The following LGALS13 variants were observed in gnomAD, a reference collection of about 807,000 sequenced individuals.
LGALS13 encodes galectin 13.
LGALS13 carries 11 observed loss-of-function variants against 13.2 expected under a neutral mutation model. That is an observed-to-expected ratio of 0.83 (90% CI 0.52 to 1.38). The LOEUF (loss-of-function observed/expected upper bound fraction) is 1.38. LGALS13 is among the 40% of genes most tolerant of loss of function. LGALS13 has a pLI of 0.00. For synonymous variants in LGALS13, 71 were observed against 63.7 expected (o/e 1.11, Z -0.54); for missense variants, 183 against 174.3 (o/e 1.05, Z -0.28).
In LGALS13 at chr19:39,603,188, G is replaced by T. The variant is rs375155046; in HGVS notation, c.15+605G>T. Among the ~76,000 whole-genome samples, 11 of 152,228 alleles carry T rather than the reference G, an allele frequency of 7.2e-5. No individual in the cohort carries two copies. The South Asian group carries it at 1.7e-3, about 23-fold the overall frequency. On this transcript the variant is annotated intron_variant, in intron 1 of 3. Coordinates refer to ENST00000221797, the MANE Select transcript of LGALS13 (RefSeq NM_013268.3). ...ATCTTGGGGATTGTGAGTTACCAAGGACTTATTTCAGATCACTTGTGAGAG... is the reference window on the plus strand; with the variant it reads ...ATCTTGGGGATTGTGAGTTACCAAGTACTTATTTCAGATCACTTGTGAGAG...
At chr19:39,605,155 C>A in intron 2 of LGALS13, 23 bp from the exon 3 acceptor site, 3 of 1,601,568 alleles carry the variant, frequency 1.9e-6, no homozygotes, top group Non-Finnish European at 2.6e-6. Flanking sequence ...ACCTGCCCAA[C>A]ATTCTGCGTG....
chr19:39,607,436 T>C lies in LGALS13; in HGVS notation c.*97T>C. The C allele has an allele frequency of 1.2e-6, 1 of 838,456 alleles. No individual in the cohort carries two copies. Among genetic ancestry groups the C allele is most frequent in the Non-Finnish European group, 2.1e-6 (1 of 483,570 alleles). 51.9% of individuals were successfully genotyped at this position (838,456 alleles called of 1,614,324 possible). A position where few individuals can be genotyped will look rare whatever the true frequency, so the allele number is the denominator to read the frequency against. On this transcript the variant is annotated 3_prime_UTR_variant, in exon 4 of 4. Transcript: ENST00000221797. ...TAACAGAATAATCCCTGCTCACATTTTCCCCTACACTTTGTCATTAAAACA... is the reference window on the plus strand; with the variant it reads ...TAACAGAATAATCCCTGCTCACATTCTCCCCTACACTTTGTCATTAAAACA...
chr19:39,605,188 C>T lies in LGALS13; in HGVS notation c.103C>T (p.Gln35Ter). The change falls in exon 3 of 4, where the codon CAG (glutamine) becomes TAG (stop). Residue 35 changes from glutamine to a stop codon, truncating the protein, a stop_gained. Transcript: ENST00000221797. LOFTEE classifies it high-confidence loss of function. ...TPIHSFINDP[Q>*]LQVDFYTDMD... ...GTGCTTCACCCTCAGCAATGACCCA[C>T]AGCTGCAGGTGGATTTCTACACTGA... is the stretch of plus-strand genomic sequence containing the variant. 1 of 1,614,080 alleles carries T rather than the reference C, an allele frequency of 6.2e-7. No homozygotes were observed. Among genetic ancestry groups the T allele is most frequent in the Non-Finnish European group, 8.5e-7 (1 of 1,179,902 alleles).
At chr19:39,604,784 G>A in intron 2 of LGALS13, 106 bp downstream of exon 2, 15 of 1,369,600 alleles carry the variant, frequency 1.1e-5, no homozygotes, top group Non-Finnish European at 1.6e-5. Context: ...TGGCAGAATG[G>A]AGGCCCCATG....
At chr19:39,602,715 T>C (rs1287276955) in intron 1 of LGALS13, 132 bp downstream of exon 1, 2 of 895,470 alleles carry the variant, frequency 2.2e-6, no homozygotes, top group African/African-American at 3.3e-5. Context: ...AGGTGTGGAA[T>C]AGAAACCCTG....
chr19:39,604,502 T>C, intron 1 of LGALS13, 100 bp from the exon 2 acceptor site: 3 of 1,300,740 alleles, frequency 2.3e-6, no homozygotes, highest in Non-Finnish European at 3.3e-6. Flanking sequence ...CCACAGAGTC[T>C]GCCCTTTCAT....
rs968971941 is a variant in LGALS13 at position 39,605,242 on chromosome 19, C to A, written c.157C>A (p.Arg53Ser). The A allele has an allele frequency of 6.2e-7, 1 of 1,614,078 alleles. No homozygotes were observed. Among genetic ancestry groups the A allele is most frequent in the African/African-American group, 1.3e-5 (1 of 74,932 alleles). ...DMDEDSDIAF[R>S]FRVHFGNHVV... ...GGATGAGGATTCAGATATTGCCTTC[C>A]GTTTCCGAGTGCACTTTGGCAATCA... The change falls in exon 3 of 4, where the codon CGT (arginine) becomes AGT (serine). Residue 53 changes from arginine (R) to serine (S), a missense_variant. Arg to Ser is a moderately radical substitution (Grantham distance 110, BLOSUM62 -1). Transcript: ENST00000221797.
chr19:39,607,193 T>C, intron 3 of LGALS13, 30 bp from the exon 4 acceptor site: 1 of 1,554,548 alleles, frequency 6.4e-7, no homozygotes, highest in African/African-American at 1.4e-5. Context: ...GGTGGCATGC[T>C]TTCTTTCTGA....
chr19:39,603,563 A>T (rs1262022914), intron 1 of LGALS13, among the ~76,000 whole-genome samples: 2 of 151,826 alleles, frequency 1.3e-5, no homozygotes, highest in Non-Finnish European at 2.9e-5. Context: ...ATATTAATCA[A>T]CCAAGCAGCT....
Position 39,605,194 on chromosome 19 carries a change from CAGGTGG to C in LGALS13, c.111_116del (p.Gln37_Asp39delinsHis), listed in dbSNP as rs1568472713. 2.5e-6 allele frequency: 4 copies of C among 1,614,154 alleles called. No individual in the cohort carries two copies. Among genetic ancestry groups the C allele is most frequent in the Non-Finnish European group, 3.4e-6 (4 of 1,179,974 alleles). ...CACCCTCAGCAATGACCCACAGCTG[CAGGTGG>C]ATTTCTACACTGACATGGATGAGGA... On this transcript the variant is annotated inframe_deletion, in exon 3 of 4. Coordinates refer to ENST00000221797, the MANE Select transcript of LGALS13 (RefSeq NM_013268.3).
At position 39,607,433 on chromosome 19, in the gene LGALS13, A is replaced by C. The variant is rs1321155842; in HGVS notation, c.*94A>C. On this transcript the variant is annotated 3_prime_UTR_variant, in exon 4 of 4. Coordinates refer to ENST00000221797, the MANE Select transcript of LGALS13 (RefSeq NM_013268.3). Reference sequence around the variant, plus strand: ...TGCTAACAGAATAATCCCTGCTCACATTTTCCCCTACACTTTGTCATTAAA... The same window carrying C: ...TGCTAACAGAATAATCCCTGCTCACCTTTTCCCCTACACTTTGTCATTAAA... 2 of 843,874 alleles carry C rather than the reference A, an allele frequency of 2.4e-6. No individual in the cohort carries two copies. Among genetic ancestry groups the C allele is most frequent in the African/African-American group, 1.7e-5 (1 of 60,432 alleles). 52.3% of individuals were successfully genotyped at this position (843,874 alleles called of 1,614,324 possible).
chr19:39,605,272 G>T lies in LGALS13; in HGVS notation c.187G>T (p.Val63Phe). The T allele has an allele frequency of 6.2e-7, 1 of 1,614,192 alleles. No homozygotes were observed. The highest frequency in any genetic ancestry group is 8.5e-7 in the Non-Finnish European group (1 of 1,180,008). The part of the protein sequence containing the change: ...RFRVHFGNHV[V>F]MNRREFGIWM... The stretch of plus-strand genomic sequence containing the variant: ...CCGAGTGCACTTTGGCAATCATGTG[G>T]TCATGAACAGGCGTGAGTTTGGGAT... Residue 63 changes from valine to phenylalanine, a missense_variant, in exon 3 of 4, where the codon GTC becomes TTC. Physicochemically the swap from Val to Phe is conservative, Grantham distance 50. Transcript: ENST00000221797.
At chr19:39,602,903 T>A (rs975744378) in intron 1 of LGALS13, among the ~76,000 whole-genome samples, 5 of 151,970 alleles carry the variant, frequency 3.3e-5, no homozygotes, top group Admixed American at 2.6e-4. Context: ...AGTAAAGGGG[T>A]GAGTCGGCTT....
chr19:39,607,347 G>T lies in LGALS13; in HGVS notation c.*8G>T. ...GTGTGTGTCTGCAATTGAGGGAGAT[G>T]ATCACACTCCTCATTGTTGAGGAAT... On this transcript the variant is annotated 3_prime_UTR_variant, in exon 4 of 4. Coordinates refer to ENST00000221797, the MANE Select transcript of LGALS13 (RefSeq NM_013268.3). 1 of 1,534,402 alleles carries T rather than the reference G, an allele frequency of 6.5e-7. No homozygotes were observed. Among genetic ancestry groups the T allele is most frequent in the South Asian group, 1.1e-5 (1 of 89,484 alleles).
At chr19:39,603,040 T>C (rs918863637) in intron 1 of LGALS13, among the ~76,000 whole-genome samples, 3 of 152,234 alleles carry the variant, frequency 2.0e-5, no homozygotes, top group East Asian at 3.9e-4. Context: ...ACTGTGAGTG[T>C]GTGTGCTGGG....
intron 2 of LGALS13, among the ~76,000 whole-genome samples, 200 bp downstream of exon 2, chr19:39,604,878 G>A (rs1972658864): frequency 6.6e-6 from 1 of 152,234 alleles, no homozygotes; most frequent in African/African-American, 2.4e-5. Flanking sequence ...GCCTACAGGA[G>A]GAGAACACTC....
rs895997579 is a variant in LGALS13 at position 39,604,620 on chromosome 19, G to T, written c.34G>T (p.Val12Leu). The change falls in exon 2 of 4, where the codon GTG (valine) becomes TTG (leucine). Residue 12 changes from valine (V) to leucine (L), a missense_variant. Physicochemically the swap from Val to Leu is conservative, Grantham distance 32. Transcript: ENST00000221797. Reference protein sequence around the residue: ...SSLPVPYKLPVSLSVGSCVII... With the variant: ...SSLPVPYKLPLSLSVGSCVII... ...CTGGCAGGTGCCATACAAACTGCCT[G>T]TGTCTTTGTCTGTTGGTTCCTGCGT... The T allele has an allele frequency of 6.2e-7, 1 of 1,614,200 alleles. No homozygotes were observed. Among genetic ancestry groups the T allele is most frequent in the Non-Finnish European group, 8.5e-7 (1 of 1,180,038 alleles).
Position 39,602,727 on chromosome 19 carries a change from G to A in LGALS13, c.15+144G>A, listed in dbSNP as rs183381665. On this transcript the variant is annotated intron_variant, in intron 1 of 3. Coordinates refer to ENST00000221797, the MANE Select transcript of LGALS13 (RefSeq NM_013268.3). Reference sequence around the variant, plus strand: ...TTGAGGTGTGGAATAGAAACCCTGAGGCTATGGTATCTGAGATGCTTGTGG... The same window carrying A: ...TTGAGGTGTGGAATAGAAACCCTGAAGCTATGGTATCTGAGATGCTTGTGG... The A allele has an allele frequency of 2.0e-4, 165 of 838,258 alleles. No homozygotes were observed. In the African/African-American group the frequency reaches 2.2e-3, roughly 11 times the overall value. 51.9% of individuals were successfully genotyped at this position (838,258 alleles called of 1,614,324 possible). A position where few individuals can be genotyped will look rare whatever the true frequency, so the allele number is the denominator to read the frequency against.
chr19:39,605,854 G>GT (rs145392087), intron 3 of LGALS13, among the ~76,000 whole-genome samples: 24,572 of 152,098 alleles, frequency 0.16, 2,544 homozygotes, highest in East Asian at 0.29. Context: ...GTTTTTGTTT[G>GT]TTTGTTTTCT....
Sources: allele counts gnomAD v4.1 joint callset (sites outside exome capture counted in the v4.1 genomes callset), GRCh38; gene constraint gnomAD v4.1.1; transcripts MANE v1.5; gene names NCBI Gene and HGNC (gene_info 2026-07-23, HGNC 2026-07-21).